Variants in PLA2G5 observed in about 807,000 individuals in gnomAD.
PLA2G5 encodes Ca2+-dependent phospholipase A2.
PLA2G5 carries 12 observed loss-of-function variants against 15.9 expected under a neutral mutation model. That is an observed-to-expected ratio of 0.76 (90% CI 0.48 to 1.23). PLA2G5 has a LOEUF of 1.23. Among genes scored for constraint, PLA2G5 ranks in the 50% most tolerant of loss-of-function variants. The pLI is 0.00. For missense variants in PLA2G5, 169 were observed against 177.1 expected, an observed-to-expected ratio of 0.95 and a Z score of 0.26; for synonymous variants, 71 against 71.4, an observed-to-expected ratio of 0.99 and a Z score of 0.03.
chr1:20,075,868 C>CTTTTTT (rs534879331), intron 1 of PLA2G5, among the ~76,000 whole-genome samples: 5 of 121,756 alleles, frequency 4.1e-5, no homozygotes, highest in Non-Finnish European at 5.1e-5. Flanking sequence ...ATTTCTTTCT[C>CTTTTTT]TTTTTTTTTT....
chr1:20,089,852 A>C lies in PLA2G5; in HGVS notation c.249A>C (p.Thr83=), dbSNP rs750501236. 9 of 1,614,010 alleles carry C rather than the reference A, an allele frequency of 5.6e-6. No homozygotes were observed. Among genetic ancestry groups the C allele is most frequent in the Non-Finnish European group, 7.6e-6 (9 of 1,180,000 alleles). Residue 83 remains threonine (T), a synonymous_variant, in exon 4 of 5, where the codon ACA becomes ACC. Coordinates refer to ENST00000375108, the MANE Select transcript of PLA2G5 (RefSeq NM_000929.3). ...AGGAGAAGGGCTGCAACATTCGCAC[A>C]CAGTCCTACAAATACAGATTCGCGT... The part of the protein sequence containing the change: ...RLEEKGCNIR[T]QSYKYRFAWG...
intron 1 of PLA2G5, among the ~76,000 whole-genome samples, chr1:20,034,702 T>C (rs1370700717): frequency 2.6e-5 from 4 of 152,150 alleles, no homozygotes; most frequent in Non-Finnish European, 4.4e-5. Flanking sequence ...TGGGATGTGA[T>C]GTTTGGCTAT....
intron 1 of PLA2G5, among the ~76,000 whole-genome samples, chr1:20,035,409 TAA>T (rs2013190605): frequency 6.6e-6 from 1 of 152,186 alleles, no homozygotes; most frequent in African/African-American, 2.4e-5. Context: ...CAGCAGAATA[TAA>T]GAGACAGGCT....
chr1:20,069,432 G>A (rs1356187371), upstream of PLA2G5, among the ~76,000 whole-genome samples: 1 of 152,144 alleles, frequency 6.6e-6, no homozygotes, highest in Non-Finnish European at 1.5e-5. Flanking sequence ...CAGCACTTTG[G>A]AAGGCTGAGG....
chr1:20,080,620 A>G (rs992264117), intron 1 of PLA2G5, among the ~76,000 whole-genome samples: 2 of 149,334 alleles, frequency 1.3e-5, no homozygotes, highest in African/African-American at 5.2e-5. Context: ...TGAATACACA[A>G]TGGAAAAAAA....
chr1:20,032,959 T>C (rs2013043744), intron 1 of PLA2G5, among the ~76,000 whole-genome samples: 1 of 152,224 alleles, frequency 6.6e-6, no homozygotes, highest in African/African-American at 2.4e-5. Context: ...TCCAGCAGTT[T>C]GTGTATGAGT....
At chr1:20,032,900 G>A (rs543293135) in intron 1 of PLA2G5, among the ~76,000 whole-genome samples, 29 of 152,168 alleles carry the variant, frequency 1.9e-4, no homozygotes, top group Non-Finnish European at 3.5e-4. Flanking sequence ...TAGCCTTTTG[G>A]TGTTCCTTGC....
chr1:20,068,755 G>GTTTTTATATT (rs999643377), upstream of PLA2G5: 9 of 350,318 alleles, frequency 2.6e-5, no homozygotes, highest in Admixed American at 3.3e-4. Flanking sequence ...CCGGCCAAAA[G>GTTTTTATATT]TTTTTATATT....
In PLA2G5 at chr1:20,089,857, C is replaced by T; in HGVS notation, c.254C>T (p.Ser85Phe). ...AAGGGCTGCAACATTCGCACACAGT[C>T]CTACAAATACAGATTCGCGTGGGGC... is the stretch of plus-strand genomic sequence containing the variant. ...EEKGCNIRTQ[S>F]YKYRFAWGVV... The change falls in exon 4 of 5, where the codon TCC becomes TTC. Residue 85 changes from serine to phenylalanine, a missense_variant. By Grantham distance (155) the Ser-to-Phe change is radical. Coordinates refer to ENST00000375108, the MANE Select transcript of PLA2G5 (RefSeq NM_000929.3). 6.2e-7 allele frequency: 1 copy of T among 1,614,062 alleles called. No homozygotes were observed.
rs910718488 is a variant in PLA2G5 at position 20,070,330 on chromosome 1, C to G, written c.-146C>G. ...TGGAGGCCAAGAATTTGACTCCCCC[C>G]GGATCCATGGTCTGTGGATACCAAT... On this transcript the variant is annotated 5_prime_UTR_variant, in exon 1 of 5. Coordinates refer to ENST00000375108, the MANE Select transcript of PLA2G5 (RefSeq NM_000929.3). The G allele has an allele frequency of 3.9e-5, 38 of 985,376 alleles. No homozygotes were observed. Among genetic ancestry groups the G allele is most frequent in the Non-Finnish European group, 4.3e-5 (36 of 829,972 alleles). The allele number at this position is 985,376 out of a possible 1,614,324, so 61.0% of individuals were successfully genotyped here.
chr1:20,032,572 C>T (rs972624140), intron 1 of PLA2G5, among the ~76,000 whole-genome samples: 7 of 151,972 alleles, frequency 4.6e-5, no homozygotes, highest in African/African-American at 1.5e-4. Context: ...AGGGAACATG[C>T]CTTAGTAATA....
rs550564164 is a variant in PLA2G5 at position 20,060,185 on chromosome 1, G to C, written n.337+493G>C. Among the ~76,000 whole-genome samples, 547 of 149,496 alleles carry C rather than the reference G, an allele frequency of 3.7e-3. 1 individual carries two copies. Among genetic ancestry groups the C allele is most frequent in the Non-Finnish European group, 5.9e-3 (397 of 67,406 alleles). On this transcript the variant is annotated intron_variant and non_coding_transcript_variant, in intron 2 of 6. Coordinates refer to the PLA2G5 transcript ENST00000460175. The stretch of plus-strand genomic sequence containing the variant: ...CTGTAAAGCCATGCTTTTGGAGGTA[G>C]AACACTGTTAACCAGCCCTTATCTT...
intron 2 of PLA2G5, among the ~76,000 whole-genome samples, chr1:20,060,601 G>A (rs193158258): frequency 6.6e-6 from 1 of 151,876 alleles, no homozygotes; most frequent in Non-Finnish European, 1.5e-5. Flanking sequence ...GGTCAGTTTA[G>A]GCTAGATGTA....
At chr1:20,082,290 G>T (rs1434219663) in intron 1 of PLA2G5, among the ~76,000 whole-genome samples, 1 of 151,814 alleles carries the variant, frequency 6.6e-6, no homozygotes, top group Non-Finnish European at 1.5e-5. Context: ...CCTTGGGTTG[G>T]TGGGGTGGGC....
chr1:20,032,267 C>A (rs1472671599), intron 1 of PLA2G5, among the ~76,000 whole-genome samples: 1 of 151,952 alleles, frequency 6.6e-6, no homozygotes. Context: ...AAATGCTCGC[C>A]TGTTGTCTGA....
chr1:20,049,328 T>G (rs2014069222), intron 1 of PLA2G5, among the ~76,000 whole-genome samples: 1 of 152,214 alleles, frequency 6.6e-6, no homozygotes, highest in Admixed American at 6.5e-5. Flanking sequence ...ATTATAATCT[T>G]TCTAGAGACT....
chr1:20,081,766 G>C (rs1199291778), intron 1 of PLA2G5, among the ~76,000 whole-genome samples: 1 of 151,794 alleles, frequency 6.6e-6, no homozygotes, highest in Non-Finnish European at 1.5e-5. Flanking sequence ...CTCAGGTCTT[G>C]CCTCCTCAGA....
chr1:20,057,137 TTGCTG>T (rs2014473297), intron 1 of PLA2G5, among the ~76,000 whole-genome samples: 1 of 152,136 alleles, frequency 6.6e-6, no homozygotes, highest in Non-Finnish European at 1.5e-5. Context: ...ATTTATAATT[TTGCTG>T]ATATTTTCAA....
intron 1 of PLA2G5, among the ~76,000 whole-genome samples, chr1:20,036,212 T>C (rs922060459): frequency 6.6e-6 from 1 of 152,212 alleles, no homozygotes; most frequent in Non-Finnish European, 1.5e-5. Context: ...GATAATTATA[T>C]GTCTAGGTGA....
Sources: allele counts gnomAD v4.1 joint callset (sites outside exome capture counted in the v4.1 genomes callset), GRCh38; gene constraint gnomAD v4.1.1; transcripts MANE v1.5; gene names NCBI Gene and HGNC (gene_info 2026-07-23, HGNC 2026-07-21).